ATRNL1: variants seen among roughly 807,000 people sequenced by gnomAD.
The protein encoded by ATRNL1 is attractin-like protein 1.
Under a neutral mutation model 182.7 loss-of-function variants are expected in ATRNL1, and 95 were observed. The ratio of observed to expected loss-of-function variants is 0.52; its 90% CI spans 0.44 to 0.62. The LOEUF is 0.62. Ranked by LOEUF, ATRNL1 falls within the 20% of genes least tolerant of loss-of-function variation. The pLI is 0.00. For synonymous variants in ATRNL1, 576 were observed against 568.3 expected (o/e 1.01, Z -0.19); for missense variants, 1,471 against 1,679.5 (o/e 0.88, Z 2.17).
At chr10:115,483,692 T>A (rs896228883) in intron 24 of ATRNL1, among the ~76,000 whole-genome samples, 1 of 151,620 alleles carries the variant, frequency 6.6e-6, no homozygotes, top group Admixed American at 6.6e-5. Flanking sequence ...TATGTTGTTT[T>A]AATTATTTAC....
At chr10:115,337,473 C>G (rs1554937091) in intron 19 of ATRNL1, among the ~76,000 whole-genome samples, 1 of 152,024 alleles carries the variant, frequency 6.6e-6, no homozygotes, top group East Asian at 1.9e-4. Context: ...CTTAACTATA[C>G]CCCCTGCCCT....
chr10:115,123,376 G>A (rs1554872314), intron 3 of ATRNL1, among the ~76,000 whole-genome samples: 2 of 152,072 alleles, frequency 1.3e-5, no homozygotes, highest in African/African-American at 4.8e-5. Context: ...TCTAATAGAT[G>A]GTAGAGCTAG....
chr10:115,392,276 A>G (rs935654894), intron 19 of ATRNL1, among the ~76,000 whole-genome samples: 1 of 152,148 alleles, frequency 6.6e-6, no homozygotes. Context: ...CCCAAGCAAG[A>G]CATAGAGTAT....
chr10:115,521,318 A>G (rs2133707192), intron 25 of ATRNL1, among the ~76,000 whole-genome samples: 1 of 152,054 alleles, frequency 6.6e-6, no homozygotes, highest in East Asian at 1.9e-4. Context: ...ACGCCCAGCT[A>G]ATTTTTGTAT....
intron 27 of ATRNL1, among the ~76,000 whole-genome samples, chr10:115,763,021 A>G (rs1948770283): frequency 6.6e-6 from 1 of 152,130 alleles, no homozygotes; most frequent in African/African-American, 2.4e-5. Flanking sequence ...AAAATTTCAG[A>G]TGGATTGGGA....
chr10:115,891,438 G>A (rs111524716), intron 28 of ATRNL1, among the ~76,000 whole-genome samples: 64 of 152,180 alleles, frequency 4.2e-4, no homozygotes, highest in African/African-American at 1.5e-3. Flanking sequence ...ATAAATAAGG[G>A]GATACTTAAT....
At chr10:115,394,796 T>C (rs1554955174) in intron 20 of ATRNL1, 44 bp downstream of exon 20, 1 of 1,407,516 alleles carries the variant, frequency 7.1e-7, no homozygotes. Flanking sequence ...ATTGAATTTG[T>C]GTTGTTGAAG....
intron 19 of ATRNL1, among the ~76,000 whole-genome samples, chr10:115,387,307 C>T (rs372251653): frequency 6.6e-5 from 10 of 152,206 alleles, no homozygotes; most frequent in Admixed American, 2.6e-4. Context: ...GTTCTATTAC[C>T]GAAGCTATGC....
intron 8 of ATRNL1, among the ~76,000 whole-genome samples, chr10:115,172,561 A>T (rs1246878823): frequency 6.6e-6 from 1 of 151,894 alleles, no homozygotes; most frequent in Non-Finnish European, 1.5e-5. Context: ...TACGTTCTAG[A>T]CCTTGTTATT....
At chr10:115,242,921 A>G (rs1450131395) in intron 10 of ATRNL1, among the ~76,000 whole-genome samples, 7 of 152,086 alleles carry the variant, frequency 4.6e-5, no homozygotes. Context: ...ATTGTTTGAA[A>G]TTAGTAAAAT....
chr10:115,217,992 T>G (rs1849296222), intron 9 of ATRNL1, among the ~76,000 whole-genome samples: 1 of 152,252 alleles, frequency 6.6e-6, no homozygotes, highest in Admixed American at 6.5e-5. Flanking sequence ...GGGACTGGTT[T>G]TGTGGAGACA....
intron 28 of ATRNL1, among the ~76,000 whole-genome samples, chr10:115,905,879 G>C: frequency 6.6e-6 from 1 of 152,118 alleles, no homozygotes; most frequent in East Asian, 1.9e-4. Context: ...AAGAACTTAA[G>C]AGAAGTTAAT....
chr10:115,421,214 A>G (rs559803911), intron 20 of ATRNL1, among the ~76,000 whole-genome samples: 1 of 152,308 alleles, frequency 6.6e-6, no homozygotes, highest in South Asian at 2.1e-4. Context: ...CATTACCCTG[A>G]TAACAAAACC....
chr10:115,107,932 A>G (rs1489363987), intron 1 of ATRNL1, among the ~76,000 whole-genome samples: 4 of 152,002 alleles, frequency 2.6e-5, no homozygotes, highest in African/African-American at 9.7e-5. Flanking sequence ...CCTTTCTGGA[A>G]ACTGTGATCT....
intron 28 of ATRNL1, among the ~76,000 whole-genome samples, chr10:115,886,023 G>A (rs1951936645): frequency 6.6e-6 from 1 of 152,224 alleles, no homozygotes; most frequent in South Asian, 2.1e-4. Flanking sequence ...TTCACAGTGT[G>A]CTGTGCTGCG....
intron 19 of ATRNL1, among the ~76,000 whole-genome samples, chr10:115,369,272 G>A (rs923496366): frequency 2.0e-5 from 3 of 150,350 alleles, no homozygotes; most frequent in Admixed American, 6.6e-5. Flanking sequence ...GAGGGGGATG[G>A]GGTAATTCTT....
At chr10:115,795,523 C>T (rs1353382155) in intron 27 of ATRNL1, among the ~76,000 whole-genome samples, 1 of 152,122 alleles carries the variant, frequency 6.6e-6, no homozygotes. Flanking sequence ...AAAGACATAC[C>T]TGAGACTGCG....
intron 25 of ATRNL1, among the ~76,000 whole-genome samples, chr10:115,538,573 TG>T (rs1852173840): frequency 6.6e-6 from 1 of 152,242 alleles, no homozygotes; most frequent in Non-Finnish European, 1.5e-5. Flanking sequence ...GAATATTGAA[TG>T]TTTTTTGTAT....
chr10:115,819,374 A>G (rs1212288491), intron 27 of ATRNL1, among the ~76,000 whole-genome samples: 2 of 152,094 alleles, frequency 1.3e-5, no homozygotes, highest in South Asian at 2.1e-4. Context: ...TATTTTCACT[A>G]CTGAATTCTG....
Sources: gnomAD v4.1 joint callset for allele counts (sites outside exome capture counted in the v4.1 genomes callset) on GRCh38, gnomAD v4.1.1 for gene constraint, MANE v1.5 for transcripts, NCBI Gene and HGNC (gene_info 2026-07-23, HGNC 2026-07-21) for gene names.